The following LAMA2 variants were observed in gnomAD, a reference collection of about 807,000 sequenced individuals.
The protein encoded by LAMA2 is laminin subunit alpha-2.
LAMA2 carries 269 observed loss-of-function variants against 364.8 expected under a neutral mutation model. The observed-to-expected ratio is 0.74, with a 90% confidence interval of 0.67 to 0.82. The LOEUF is 0.82. Ranked by LOEUF, LAMA2 falls within the 40% of genes least tolerant of loss-of-function variation. The pLI is 0.00. For missense variants in LAMA2, 3,807 were observed against 3,873.2 expected (o/e 0.98, Z 0.45); for synonymous variants, 1,379 against 1,370.6 (o/e 1.01, Z -0.14).
intron 3 of LAMA2, among the ~76,000 whole-genome samples, chr6:129,065,665 G>T (rs1457218450): frequency 6.6e-6 from 1 of 151,990 alleles, no homozygotes; most frequent in East Asian, 1.9e-4. Flanking sequence ...ATAGCTAAAA[G>T]AAAAATAAAA....
chr6:128,961,583 T>C (rs1364924261), intron 1 of LAMA2, among the ~76,000 whole-genome samples: 1 of 149,022 alleles, frequency 6.7e-6, no homozygotes, highest in Non-Finnish European at 1.5e-5. Flanking sequence ...GGGAGAAAGA[T>C]GTAGACTGGG....
chr6:128,909,774 C>G (rs1006604191), intron 1 of LAMA2, among the ~76,000 whole-genome samples: 2 of 152,062 alleles, frequency 1.3e-5, no homozygotes, highest in Admixed American at 6.6e-5. Flanking sequence ...GTGGCTTGTA[C>G]TGGTTGTTCC....
chr6:129,280,644 C>T (rs1788653655), intron 18 of LAMA2, among the ~76,000 whole-genome samples: 1 of 152,076 alleles, frequency 6.6e-6, no homozygotes, highest in African/African-American at 2.4e-5. Context: ...GCTCCTAAAC[C>T]AGTATTTTAA....
chr6:129,049,019 C>T (rs1787807584), intron 1 of LAMA2, among the ~76,000 whole-genome samples: 1 of 152,070 alleles, frequency 6.6e-6, no homozygotes, highest in Admixed American at 6.5e-5. Context: ...TAAATAGAGT[C>T]AAATTATCTG....
rs1363017615 is a variant in LAMA2, at chr6:129,453,066, ATTG to A, written c.6513_6515del (p.Val2172del). ...AATCAAGAAAGGAAGTTACAATAATATTGTTGTCAACGTAAAGACAGCTGTTGC... is the reference window on the plus strand; with the variant it reads ...AATCAAGAAAGGAAGTTACAATAATATTGTCAACGTAAAGACAGCTGTTGC... On this transcript the variant is annotated inframe_deletion, in exon 46 of 65. Transcript: ENST00000421865. 2.5e-6 allele frequency: 4 copies of A among 1,612,842 alleles called. No homozygotes were observed. The East Asian group carries it at 6.7e-5, about 27-fold the overall frequency.
In LAMA2 at chr6:129,393,208, G is replaced by A; in HGVS notation, c.5398G>A (p.Ala1800Thr). 11 of 1,614,058 alleles carry A rather than the reference G, an allele frequency of 6.8e-6. No homozygotes were observed. The highest frequency in any genetic ancestry group is 9.3e-6 in the Non-Finnish European group (11 of 1,179,946). ...LREATDKIRE[A>T]NRLFAVNQKN... The stretch of plus-strand genomic sequence containing the variant: ...AGAAGCCACAGATAAAATCAGAGAA[G>A]CTAATCGCCTATTTGCAGTAAATCA... Residue 1800 changes from alanine to threonine, a missense_variant, in exon 37 of 65, where the codon GCT becomes ACT. Physicochemically the swap from Ala to Thr is moderately conservative, Grantham distance 58. This residue lies in a region of LAMA2 where 3,333 missense variants were observed against 3,345.7 expected (regional missense o/e 1.00). Coordinates refer to ENST00000421865, the MANE Select transcript of LAMA2 (RefSeq NM_000426.4).
chr6:128,973,505 C>T (rs1321312251), intron 1 of LAMA2, among the ~76,000 whole-genome samples: 1 of 152,132 alleles, frequency 6.6e-6, no homozygotes, highest in Non-Finnish European at 1.5e-5. Context: ...CCTTTAAAAA[C>T]TCTACTGGTG....
At chr6:128,958,130 A>C (rs4562164) in intron 1 of LAMA2, among the ~76,000 whole-genome samples, 19,343 of 152,022 alleles carry the variant, frequency 0.13, 1,547 homozygotes, top group African/African-American at 0.23. Context: ...ATAGAAGCAG[A>C]AATAAGTAAT....
At chr6:129,229,539 G>C (rs975098706) in intron 12 of LAMA2, among the ~76,000 whole-genome samples, 1 of 152,280 alleles carries the variant, frequency 6.6e-6, no homozygotes, top group South Asian at 2.1e-4. Context: ...GACATGTAAT[G>C]ATCTGAGTTA....
chr6:129,098,387 C>T lies in LAMA2; in HGVS notation c.611C>T (p.Ser204Phe), dbSNP rs1204310516. ...DDEVICTSFY[S>F]KIHPLENGEI... ...GAGGTCATCTGCACTTCATTTTACT[C>T]CAAGATACACCCCTTAGAAAATGGA... Residue 204 changes from serine to phenylalanine, a missense_variant, in exon 4 of 65, where the codon TCC becomes TTC. Physicochemically the swap from Ser to Phe is radical, Grantham distance 155 (BLOSUM62 -2). This residue lies in a region of LAMA2 where 394 missense variants were observed against 403.5 expected (regional missense o/e 0.98). Transcript: ENST00000421865. The T allele has an allele frequency of 6.2e-7, 1 of 1,613,978 alleles. No homozygotes were observed. The highest frequency in any genetic ancestry group is 8.5e-7 in the Non-Finnish European group (1 of 1,179,934).
intron 55 of LAMA2, among the ~76,000 whole-genome samples, chr6:129,485,630 T>C (rs765967315): frequency 5.7e-4 from 87 of 152,184 alleles, no homozygotes; most frequent in Non-Finnish European, 9.8e-4. Flanking sequence ...TAAGGAATTT[T>C]TAATTGAGTA....
At chr6:129,514,888 CA>C (rs1786913994) in intron 64 of LAMA2, among the ~76,000 whole-genome samples, 1 of 152,106 alleles carries the variant, frequency 6.6e-6, no homozygotes, top group African/African-American at 2.4e-5. Context: ...AGGCATTTAA[CA>C]GCAATTGGAG....
chr6:129,442,225 T>G, intron 43 of LAMA2: 1 of 1,317,738 alleles, frequency 7.6e-7, no homozygotes, highest in Non-Finnish European at 1.0e-6. Flanking sequence ...TAGCCTCAAA[T>G]CAAATCCTAT....
intron 34 of LAMA2, among the ~76,000 whole-genome samples, chr6:129,376,068 A>G (rs918550937): frequency 6.6e-6 from 1 of 152,204 alleles, no homozygotes; most frequent in Non-Finnish European, 1.5e-5. Flanking sequence ...AGATCCTATC[A>G]TGTCATTCTC....
chr6:129,116,768 G>A lies in LAMA2; in HGVS notation c.639+18353G>A, dbSNP rs899161333. On this transcript the variant is annotated intron_variant, in intron 4 of 64. Transcript: ENST00000421865. ...TTATAACCACTTTAAAGAAATTAAGGACTTGCAGGTTGTCTGGTTTTTTAC... is the reference window on the plus strand; with the variant it reads ...TTATAACCACTTTAAAGAAATTAAGAACTTGCAGGTTGTCTGGTTTTTTAC... 5.3e-5 allele frequency among the ~76,000 whole-genome samples: 8 copies of A among 151,762 alleles called. 1 individual carries two copies. The highest frequency in any genetic ancestry group is 1.2e-4 in the Non-Finnish European group (8 of 67,938).
chr6:129,282,747 A>T lies in LAMA2; in HGVS notation c.2537+2600A>T, dbSNP rs911984345. On this transcript the variant is annotated intron_variant, in intron 18 of 64. Coordinates refer to ENST00000421865, the MANE Select transcript of LAMA2 (RefSeq NM_000426.4). ...GGAATCATTCAGCTTCTTTCATTCC[A>T]TGCTAAGACCCACCAACATCTCTAC... Among the ~76,000 whole-genome samples the T allele has an allele frequency of 4.6e-5, 7 of 152,182 alleles. No individual in the cohort carries two copies. In the East Asian group the frequency reaches 7.7e-4, roughly 17 times the overall value.
Position 129,512,479 on chromosome 6 carries a change from A to ATGAT in LAMA2, c.8979_8982dup (p.Glu2995Ter). The ATGAT allele has an allele frequency of 3.1e-6, 5 of 1,613,614 alleles. No individual in the cohort carries two copies. The highest frequency in any genetic ancestry group is 1.1e-5 in the South Asian group (1 of 91,070). On this transcript the variant is annotated frameshift_variant, in exon 63 of 65. Coordinates refer to ENST00000421865, the MANE Select transcript of LAMA2 (RefSeq NM_000426.4). LOFTEE classifies it high-confidence loss of function. ...AAAAATGGATGGAATGGGTATTGAA[A>ATGAT]TGATTGATGAAAAGGTGAGTGTCAG... is the stretch of plus-strand genomic sequence containing the variant.
rs1562641167 is a variant in LAMA2, at chr6:129,512,328, CTAATCCAAAATATTT to C, written c.8858-31_8858-17del. The C allele has an allele frequency of 1.2e-6, 2 of 1,605,782 alleles. No individual in the cohort carries two copies. Among genetic ancestry groups the C allele is most frequent in the Non-Finnish European group, 8.5e-7 (1 of 1,172,882 alleles). On this transcript the variant is annotated intron_variant, in intron 62 of 64. Transcript: ENST00000421865. ...CGTTTGAATTAACAATCCCCATCCT[CTAATCCAAAATATTT>C]TAAAATCTTCATTTTACAGTTGGTG...
intron 22 of LAMA2, among the ~76,000 whole-genome samples, chr6:129,311,405 GCCA>G (rs1774220646): frequency 6.6e-6 from 1 of 152,182 alleles, no homozygotes; most frequent in African/African-American, 2.4e-5. Context: ...ACAGGCATGA[GCCA>G]CCGCGCCCGG....
Sources: allele counts gnomAD v4.1 joint callset (sites outside exome capture counted in the v4.1 genomes callset), GRCh38; gene constraint gnomAD v4.1.1; regional missense constraint gnomAD v4.1.1; transcripts MANE v1.5; gene names NCBI Gene and HGNC (gene_info 2026-07-23, HGNC 2026-07-21).